The following HAGH variants were observed in gnomAD, a reference collection of about 807,000 sequenced individuals.
HAGH encodes the protein hydroxyacylglutathione hydrolase, also known as hydroxyacylglutathione hydrolase, mitochondrial.
HAGH carries 29 observed loss-of-function variants against 35.1 expected under a neutral mutation model. The observed-to-expected ratio is 0.83, with a 90% confidence interval of 0.62 to 1.13. The LOEUF is 1.13. HAGH is among the 50% of genes most tolerant of loss of function. The pLI is 0.00. For missense variants in HAGH, 478 were observed against 419.6 expected, an observed-to-expected ratio of 1.14 and a Z score of -1.22; for synonymous variants, 225 against 176.1, an observed-to-expected ratio of 1.28 and a Z score of -2.20.
chr16:1,822,463 T>C, intron 2 of HAGH, 99 bp from the exon 3 acceptor site: 1 of 927,594 alleles, frequency 1.1e-6, no homozygotes, highest in Non-Finnish European at 1.8e-6. Flanking sequence ...GGACACGCCA[T>C]GAGGGGCCGC....
Position 1,826,747 on chromosome 16 carries a change from G to A in HAGH, c.41C>T (p.Ala14Val). Residue 14 changes from alanine (A) to valine (V), a missense_variant, in exon 1 of 9, where the codon GCC (alanine) becomes GTC (valine). By Grantham distance (64) the Ala-to-Val change is moderately conservative. Coordinates refer to ENST00000397356, the MANE Select transcript of HAGH (RefSeq NM_005326.6). ...GCGGGCGCAGGCGGCTCCCAGCGCG[G>A]CGAGGCTGCGGCGGCCGAGCAGCCC... ...GRGLLGRRSL[A>V]ALGAACARRG... 1 of 1,195,532 alleles carries A rather than the reference G, an allele frequency of 8.4e-7. No homozygotes were observed. The highest frequency in any genetic ancestry group is 1.0e-6 in the Non-Finnish European group (1 of 964,790). The allele number at this position is 1,195,532 out of a possible 1,614,324, so 74.1% of individuals were successfully genotyped here. A position where few individuals can be genotyped will look rare whatever the true frequency, so the allele number is the denominator to read the frequency against.
At chr16:1,826,350 G>A (rs928736053) in intron 1 of HAGH, among the ~76,000 whole-genome samples, 6 of 150,180 alleles carry the variant, frequency 4.0e-5, no homozygotes, top group African/African-American at 1.5e-4. Flanking sequence ...GGGTGGGCCA[G>A]GCGTCCCGGG....
intron 1 of HAGH, among the ~76,000 whole-genome samples, chr16:1,825,383 A>G (rs1898353857): frequency 6.6e-6 from 1 of 152,104 alleles, no homozygotes; most frequent in Admixed American, 6.5e-5. Context: ...AGGTGCCTTT[A>G]TTTCTGAGGA....
chr16:1,826,260 G>A (rs7187048), intron 1 of HAGH, among the ~76,000 whole-genome samples: 2 of 151,370 alleles, frequency 1.3e-5, no homozygotes, highest in African/African-American at 4.8e-5. Flanking sequence ...CCAGACGGGG[G>A]CTCCGGCGCC....
intron 7 of HAGH, among the ~76,000 whole-genome samples, chr16:1,814,429 G>A (rs183435686): frequency 8.7e-5 from 13 of 149,972 alleles, no homozygotes; most frequent in Non-Finnish European, 1.6e-4. Flanking sequence ...AGCTGAGATC[G>A]CGCCGCTGCA....
upstream of HAGH, chr16:1,826,869 C>G (rs1898462898): frequency 2.3e-6 from 2 of 871,306 alleles, no homozygotes; most frequent in Non-Finnish European, 3.1e-6. Context: ...CAGCGCCCGC[C>G]TCGCGCTGCC....
intron 7 of HAGH, 129 bp downstream of exon 7, chr16:1,816,764 A>G (rs770684631): frequency 9.0e-6 from 6 of 666,624 alleles, no homozygotes; most frequent in Middle Eastern, 3.8e-4. Flanking sequence ...GCTGGGCCAC[A>G]CTGGCCTGAA....
chr16:1,811,273 G>T (rs1340938114), intron 7 of HAGH, among the ~76,000 whole-genome samples: 6 of 152,094 alleles, frequency 3.9e-5, no homozygotes, highest in Non-Finnish European at 7.4e-5. Flanking sequence ...AATCAGCCGG[G>T]TGTGGTGGCG....
chr16:1,820,567 C>A (rs1262047697), intron 3 of HAGH, among the ~76,000 whole-genome samples: 1 of 152,184 alleles, frequency 6.6e-6, no homozygotes, highest in Non-Finnish European at 1.5e-5. Flanking sequence ...GGAGGCCAGC[C>A]TGGGCCAGCT....
Position 1,822,260 on chromosome 16 carries a change from G to A in HAGH, c.314+40C>T, listed in dbSNP as rs746664074. 7 of 1,401,938 alleles carry A rather than the reference G, an allele frequency of 5.0e-6. No homozygotes were observed. The South Asian group carries it at 6.9e-5, about 14-fold the overall frequency. The allele number at this position is 1,401,938 out of a possible 1,614,324, so 86.8% of individuals were successfully genotyped here. ...CCCTAAACCCACCGGGGCGAGAAGT[G>A]AGCCAGGTCCCACACCCCCAGGTGA... On this transcript the variant is annotated intron_variant, in intron 3 of 8. Transcript: ENST00000397356.
chr16:1,809,086 C>G lies in HAGH; in HGVS notation c.*197G>C, dbSNP rs1897511549. ...CAGAGGCCTAAAGGCCAGAAGAAAA[C>G]AGTCTGCAAGGGGAAGTTATGGGAA... On this transcript the variant is annotated 3_prime_UTR_variant, in exon 9 of 9. Transcript: ENST00000397356. 1 of 542,280 alleles carries G rather than the reference C, an allele frequency of 1.8e-6. No individual in the cohort carries two copies. The highest frequency in any genetic ancestry group is 3.0e-5 in the East Asian group (1 of 33,750). The allele number at this position is 542,280 out of a possible 1,614,324, so 33.6% of individuals were successfully genotyped here. A position where few individuals can be genotyped will look rare whatever the true frequency, so the allele number is the denominator to read the frequency against.
chr16:1,826,366 G>T lies in HAGH; in HGVS notation c.76+346C>A, dbSNP rs1368075293. The stretch of plus-strand genomic sequence containing the variant: ...GGTGGGCCAGGCGTCCCGGGGCCCT[G>T]CCCGCTGCGCCTCAGAGCCGCGCCC... On this transcript the variant is annotated intron_variant, in intron 1 of 8. Coordinates refer to ENST00000397356, the MANE Select transcript of HAGH (RefSeq NM_005326.6). 2 of 180,142 alleles carry T rather than the reference G, an allele frequency of 1.1e-5. 1 individual carries two copies. Among genetic ancestry groups the T allele is most frequent in the South Asian group, 3.7e-4 (2 of 5,388 alleles). The allele number at this position is 180,142 out of a possible 1,614,324, so 11.2% of individuals were successfully genotyped here. A position where few individuals can be genotyped will look rare whatever the true frequency, so the allele number is the denominator to read the frequency against.
chr16:1,821,953 T>TG lies in HAGH; in HGVS notation c.314+346_314+347insC, dbSNP rs1491412752. 7.0e-4 allele frequency: 71 copies of TG among 101,678 alleles called. 1 individual carries two copies. The highest frequency in any genetic ancestry group is 2.7e-3 in the East Asian group (10 of 3,640). The allele number at this position is 101,678 out of a possible 1,614,324, so 6.3% of individuals were successfully genotyped here. A position where few individuals can be genotyped will look rare whatever the true frequency, so the allele number is the denominator to read the frequency against. The stretch of plus-strand genomic sequence containing the variant: ...CTGCTTGTTTTTTTTTGTTTTTTTG[T>TG]TTTTTTTTTTTTTAAAAACCACTCA... On this transcript the variant is annotated intron_variant, in intron 3 of 8. Transcript: ENST00000397356.
chr16:1,822,932 T>C lies in HAGH; in HGVS notation c.182A>G (p.Tyr61Cys). 5 of 1,613,686 alleles carry C rather than the reference T, an allele frequency of 3.1e-6. No homozygotes were observed. The highest frequency in any genetic ancestry group is 4.2e-6 in the Non-Finnish European group (5 of 1,179,726). ...VEVLPALTDN[Y>C]MYLVIDDETK... ...CTCATCATCAATGACCAGGTACATG[T>C]AGTTGTCGGTCAGGGCAGGCAGCAC... The change falls in exon 2 of 9, where the codon TAC (tyrosine) becomes TGC (cysteine). Residue 61 changes from tyrosine to cysteine, a missense_variant. Physicochemically the swap from Tyr to Cys is radical, Grantham distance 194. Coordinates refer to ENST00000397356, the MANE Select transcript of HAGH (RefSeq NM_005326.6).
intron 7 of HAGH, 34 bp downstream of exon 7, chr16:1,816,859 C>CAG: frequency 7.3e-7 from 1 of 1,368,660 alleles, no homozygotes; most frequent in South Asian, 1.2e-5. Flanking sequence ...GAGCAGCCCA[C>CAG]AGGAAGGCAC....
intron 7 of HAGH, among the ~76,000 whole-genome samples, chr16:1,812,610 A>G (rs970031148): frequency 2.6e-5 from 4 of 152,204 alleles, no homozygotes; most frequent in African/African-American, 9.6e-5. Context: ...GGGAGTTCAT[A>G]CTAAGTTTTA....
chr16:1,810,028 G>A (rs1897568912), intron 7 of HAGH, 195 bp from the exon 8 acceptor site: 1 of 583,474 alleles, frequency 1.7e-6, no homozygotes, highest in Admixed American at 2.9e-5. Context: ...AGCCAGGCAT[G>A]GTGGCAGGCA....
chr16:1,809,927 G>T, intron 7 of HAGH, 94 bp from the exon 8 acceptor site: 2 of 896,552 alleles, frequency 2.2e-6, no homozygotes, highest in Non-Finnish European at 3.7e-6. Context: ...ACTTTGGGAG[G>T]CTAAGGCAGA....
intron 5 of HAGH, 122 bp from the exon 6 acceptor site, chr16:1,817,393 C>A: frequency 2.9e-6 from 2 of 693,588 alleles, no homozygotes; most frequent in East Asian, 5.4e-5. Flanking sequence ...TGGCTGCCCT[C>A]CGGCCACGGC....
Sources: allele counts gnomAD v4.1 joint callset (sites outside exome capture counted in the v4.1 genomes callset), GRCh38; gene constraint gnomAD v4.1.1; transcripts MANE v1.5; gene names NCBI Gene and HGNC (gene_info 2026-07-23, HGNC 2026-07-21).